IGSF9B: variants seen among roughly 807,000 people sequenced by gnomAD.
IGSF9B encodes immunoglobulin superfamily member 9B.
Under a neutral mutation model 143.7 loss-of-function variants are expected in IGSF9B, and 48 were observed. That is an observed-to-expected ratio of 0.33 (90% CI 0.26 to 0.42). The LOEUF is 0.42. Ranked by LOEUF, IGSF9B falls within the 20% of genes least tolerant of loss-of-function variation. IGSF9B has a pLI of 1.00. For synonymous variants in IGSF9B, 903 were observed against 833.1 expected, an observed-to-expected ratio of 1.08 and a Z score of -1.44; for missense variants, 1,706 against 1,980.0, an observed-to-expected ratio of 0.86 and a Z score of 2.63.
chr11:133,924,690 C>A (rs1282285917), intron 15 of IGSF9B, 130 bp downstream of exon 15: 3 of 732,956 alleles, frequency 4.1e-6, no homozygotes, highest in Non-Finnish European at 7.1e-6. Context: ...ACTCACGCAG[C>A]TGCAACCAGG....
rs1189486282 is a variant in IGSF9B, at chr11:133,931,131, C to T, written c.1372G>A (p.Gly458Arg). Residue 458 changes from glycine (G) to arginine (R), a missense_variant, in exon 11 of 20, where the codon GGG (glycine) becomes AGG (arginine). This residue lies in a region of IGSF9B where 238 missense variants were observed against 452.6 expected (regional missense o/e 0.53). Coordinates refer to ENST00000533871, the MANE Select transcript of IGSF9B (RefSeq NM_001277285.4). The surrounding 1 kb of genome is among the most constrained non-coding windows in gnomAD (Gnocchi z 7.7). ...CTGTGCTTGCTTCTGCTGGGCTTCC[C>T]TACCTTGGTGAACAAGGGGCAGGGA... ...PFPVITWRKV[G>R]KPSRSKHSAL... 1.9e-6 allele frequency: 3 copies of T among 1,611,662 alleles called. No individual in the cohort carries two copies. Among genetic ancestry groups the T allele is most frequent in the Admixed American group, 1.7e-5 (1 of 59,838 alleles).
chr11:133,917,766 C>G (rs1011115128), intron 18 of IGSF9B, among the ~76,000 whole-genome samples: 4 of 152,112 alleles, frequency 2.6e-5, no homozygotes, highest in African/African-American at 9.7e-5. Context: ...TCTCAAGAAG[C>G]TGGTGAGGGG....
At chr11:133,924,436 G>T (rs1398365900) in intron 15 of IGSF9B, among the ~76,000 whole-genome samples, 1 of 152,174 alleles carries the variant, frequency 6.6e-6, no homozygotes, top group East Asian at 1.9e-4. Flanking sequence ...TCTATCACAA[G>T]CATTTGATAA....
At chr11:133,940,655 A>C (rs1321715973) in intron 3 of IGSF9B, among the ~76,000 whole-genome samples, 2 of 140,156 alleles carry the variant, frequency 1.4e-5, no homozygotes, top group Non-Finnish European at 3.0e-5. Flanking sequence ...CACACGCAAA[A>C]ACATACACCT....
intron 2 of IGSF9B, among the ~76,000 whole-genome samples, chr11:133,944,582 T>G (rs1372403816): frequency 6.6e-6 from 1 of 152,160 alleles, no homozygotes; most frequent in African/African-American, 2.4e-5. Context: ...CCGCCCCAGC[T>G]GGCCCTGCCC....
At chr11:133,919,331 AAGG>A (rs1939462580) in intron 18 of IGSF9B, among the ~76,000 whole-genome samples, 2 of 152,096 alleles carry the variant, frequency 1.3e-5, no homozygotes, top group African/African-American at 2.4e-5. Flanking sequence ...CGGGGAAGAA[AAGG>A]AGGCTAGACA....
rs760587799 is a variant in IGSF9B at position 133,901,876 on chromosome 11, CCA to C, written c.*7191_*7192del. Among the ~76,000 whole-genome samples the C allele has an allele frequency of 2.7e-3, 384 of 142,230 alleles. 1 individual carries two copies. The highest frequency in any genetic ancestry group is 4.2e-3 in the Middle Eastern group (1 of 236). The allele number at this position is 142,230 out of a possible 152,430, so 93.3% of individuals were successfully genotyped here. ...GCACCACACACGCACCACACACGCACCACACACACACACAACACACACACAAC... is the reference window on the plus strand; with the variant it reads ...GCACCACACACGCACCACACACGCACCACACACACACAACACACACACAAC... On this transcript the variant is annotated 3_prime_UTR_variant, in exon 20 of 20. Transcript: ENST00000533871.
Position 133,920,455 on chromosome 11 carries a change from G to A in IGSF9B, c.3270C>T (p.Ala1090=). Residue 1090 remains alanine, a synonymous_variant, in exon 18 of 20, where the codon GCC becomes GCT. Transcript: ENST00000533871. ...LPPTSLQVPA[A]YPGILSLEAP... is the part of the protein sequence containing the mutation. ...CCTCCAGAGACAGGATGCCCGGGTA[G>A]GCCGCGGGCACCTGCAGGGAGGTGG... 1 of 1,565,970 alleles carries A rather than the reference G, an allele frequency of 6.4e-7. No homozygotes were observed. Among genetic ancestry groups the A allele is most frequent in the Non-Finnish European group, 8.7e-7 (1 of 1,155,818 alleles).
intron 3 of IGSF9B, among the ~76,000 whole-genome samples, chr11:133,938,419 C>A (rs937400393): frequency 6.6e-6 from 1 of 152,168 alleles, no homozygotes; most frequent in Non-Finnish European, 1.5e-5. Flanking sequence ...CAAGGCTACG[C>A]GGAACCTCAT....
At position 133,908,857 on chromosome 11, in the gene IGSF9B, C is replaced by T. The variant is rs1397406352; in HGVS notation, c.*212G>A. 1 of 554,618 alleles carries T rather than the reference C, an allele frequency of 1.8e-6. No homozygotes were observed. Among genetic ancestry groups the T allele is most frequent in the Non-Finnish European group, 3.2e-6 (1 of 311,996 alleles). 34.4% of individuals were successfully genotyped at this position (554,618 alleles called of 1,614,324 possible). On this transcript the variant is annotated 3_prime_UTR_variant, in exon 20 of 20. Transcript: ENST00000533871. ...CCCAGTCTCCAATCCACTTCCTGAC[C>T]TCGACCCACAGGTGGAAGGTGTGCC...
At chr11:133,939,779 C>T (rs1281527776) in intron 3 of IGSF9B, among the ~76,000 whole-genome samples, 1 of 151,908 alleles carries the variant, frequency 6.6e-6, no homozygotes, top group African/African-American at 2.4e-5. Context: ...AAACACACAC[C>T]TCGCCCGTCC....
chr11:133,912,578 C>T (rs2121271892), intron 18 of IGSF9B, among the ~76,000 whole-genome samples: 1 of 152,294 alleles, frequency 6.6e-6, no homozygotes, highest in South Asian at 2.1e-4. Flanking sequence ...CAGCAGCTAA[C>T]AACAACAAAT....
At position 133,932,116 on chromosome 11, in the gene IGSF9B, G is replaced by C; in HGVS notation, c.1065C>G (p.Thr355=). 1.9e-6 allele frequency: 3 copies of C among 1,613,680 alleles called. No homozygotes were observed. The highest frequency in any genetic ancestry group is 1.7e-6 in the Non-Finnish European group (2 of 1,179,772). The change falls in exon 8 of 20, where the codon ACC becomes ACG. Residue 355 remains threonine (T), a synonymous_variant. Transcript: ENST00000533871. ...GGCCGTCCTTGTTCCACTTGACCAC[G>C]GTGGCCGGTGGTTCTGCGTCCACAG... The part of the protein sequence containing the change: ...RCPVDAEPPA[T]VVKWNKDGRP...
chr11:133,921,331 G>A lies in IGSF9B; in HGVS notation c.2394C>T (p.Asp798=), dbSNP rs376960993. The A allele has an allele frequency of 5.7e-5, 90 of 1,592,758 alleles. No homozygotes were observed. Among genetic ancestry groups the A allele is most frequent in the East Asian group, 1.8e-4 (8 of 44,530 alleles). The change falls in exon 18 of 20, where the codon GAC becomes GAT. Residue 798 remains aspartate (D), a synonymous_variant. Transcript: ENST00000533871. The part of the protein sequence containing the change: ...RTLRAPSESS[D]DQGQPAAKRM... ...TCTTGGCCGCGGGCTGGCCCTGGTC[G>A]TCGGAGGATTCTGACGGCGCTCGGA...
chr11:133,942,149 G>GT lies in IGSF9B; in HGVS notation c.409+2070dup, dbSNP rs934205477. Among the ~76,000 whole-genome samples the GT allele has an allele frequency of 2.0e-4, 31 of 151,868 alleles. 1 individual carries two copies. Among genetic ancestry groups the GT allele is most frequent in the Admixed American group, 2.0e-3 (31 of 15,232 alleles). On this transcript the variant is annotated intron_variant, in intron 3 of 19. Transcript: ENST00000533871. ...TGCTACTAGATTTTCATCTGACTTT[G>GT]TTTTTTTTCCTCTCGAGAAGGAGGA... is the stretch of plus-strand genomic sequence containing the variant.
In IGSF9B at chr11:133,904,575, C is replaced by T. The variant is rs573767658; in HGVS notation, c.*4494G>A. 4.8e-4 allele frequency among the ~76,000 whole-genome samples: 73 copies of T among 152,222 alleles called. No homozygotes were observed. Among genetic ancestry groups the T allele is most frequent in the African/African-American group, 1.7e-3 (70 of 41,546 alleles). ...TCCCCCTCCCACATGCCCTGCATGGCTACCACTCCCCAGCCAGATGCCCAC... is the reference window on the plus strand; with the variant it reads ...TCCCCCTCCCACATGCCCTGCATGGTTACCACTCCCCAGCCAGATGCCCAC... On this transcript the variant is annotated 3_prime_UTR_variant, in exon 20 of 20. Coordinates refer to ENST00000533871, the MANE Select transcript of IGSF9B (RefSeq NM_001277285.4).
chr11:133,934,876 C>T (rs1359113637), intron 7 of IGSF9B, among the ~76,000 whole-genome samples: 3 of 152,250 alleles, frequency 2.0e-5, no homozygotes, highest in African/African-American at 4.8e-5. Context: ...CTGTTATCTA[C>T]AGCAACAATG....
Position 133,924,885 on chromosome 11 carries a change from C to T in IGSF9B, c.2054G>A (p.Arg685Gln). The stretch of plus-strand genomic sequence containing the variant: ...CAGATCCTGCATGACGGCCAGAACC[C>T]GGAACTCATACCACGTGTCCTGCAG... ...DLSQDTWYEF[R>Q]VLAVMQDLIS... Residue 685 changes from arginine to glutamine, a missense_variant, in exon 15 of 20, where the codon CGG (arginine) becomes CAG (glutamine). Around this residue, in one of 7 missense-constraint regions of IGSF9B, gnomAD observed 267 missense variants for 321.1 expected, o/e 0.83. Coordinates refer to ENST00000533871, the MANE Select transcript of IGSF9B (RefSeq NM_001277285.4). 1.2e-6 allele frequency: 2 copies of T among 1,613,682 alleles called. No homozygotes were observed. The highest frequency in any genetic ancestry group is 1.7e-6 in the Non-Finnish European group (2 of 1,179,868).
Position 133,902,919 on chromosome 11 carries a change from G to A in IGSF9B, c.*6150C>T, listed in dbSNP as rs1403960316. 6.6e-6 allele frequency among the ~76,000 whole-genome samples: 1 copy of A among 152,088 alleles called. No individual in the cohort carries two copies. Among genetic ancestry groups the A allele is most frequent in the Non-Finnish European group, 1.5e-5 (1 of 68,024 alleles). On this transcript the variant is annotated 3_prime_UTR_variant, in exon 20 of 20. Transcript: ENST00000533871. ...TCTACCACCAGCGTGAGGAGGGCTG[G>A]GCACTCGCCCCTCCCATGGCTTATA...
Sources: allele counts gnomAD v4.1 joint callset (sites outside exome capture counted in the v4.1 genomes callset), GRCh38; gene constraint gnomAD v4.1.1; regional missense constraint gnomAD v4.1.1; non-coding constraint Gnocchi (gnomAD v3.1); transcripts MANE v1.5; gene names NCBI Gene and HGNC (gene_info 2026-07-23, HGNC 2026-07-21).